RTN3: variants seen among roughly 807,000 people sequenced by gnomAD.
RTN3 encodes reticulon-3.
A neutral mutation model predicts 77.8 loss-of-function variants in RTN3; 49 were observed. The ratio of observed to expected loss-of-function variants is 0.63; its 90% CI spans 0.50 to 0.80. RTN3 has a LOEUF of 0.80. Ranked by LOEUF, RTN3 falls within the 30% of genes least tolerant of loss-of-function variation. RTN3 has a pLI of 0.00. For missense variants in RTN3, 1,236 were observed against 1,211.9 expected (o/e 1.02, Z -0.29); for synonymous variants, 464 against 446.9 (o/e 1.04, Z -0.48).
intron 3 of RTN3, among the ~76,000 whole-genome samples, chr11:63,727,598 T>C (rs1021405663): frequency 4.6e-5 from 7 of 152,116 alleles, no homozygotes; most frequent in Non-Finnish European, 8.8e-5. Flanking sequence ...CTTGATAGCA[T>C]ACTAAAGAAC....
In RTN3 at chr11:63,720,611, T is replaced by TA. The variant is rs1438276184; in HGVS notation, c.2112dup (p.Asp705ArgfsTer8). 1 of 1,613,776 alleles carries TA rather than the reference T, an allele frequency of 6.2e-7. No homozygotes were observed. Among genetic ancestry groups the TA allele is most frequent in the Admixed American group, 1.7e-5 (1 of 59,926 alleles). ...AAAATGAGTCCGGTGGTTCTGAAAT[T>TA]AAAGACATTGGAAGCAAATACAGTG... On this transcript the variant is annotated frameshift_variant, in exon 3 of 9. Coordinates refer to ENST00000377819, the MANE Select transcript of RTN3 (RefSeq NM_001265589.2). LOFTEE classifies it high-confidence loss of function.
chr11:63,752,279 G>T (rs1470128678), intron 4 of RTN3, among the ~76,000 whole-genome samples: 2 of 151,982 alleles, frequency 1.3e-5, no homozygotes, highest in Non-Finnish European at 2.9e-5. Flanking sequence ...CAGAACATAG[G>T]TCAGTTCTTT....
chr11:63,702,684 GTTTTTTTGT>G (rs1026096979), intron 1 of RTN3, among the ~76,000 whole-genome samples: 10 of 142,282 alleles, frequency 7.0e-5, no homozygotes, highest in South Asian at 4.6e-4. Flanking sequence ...TTGTTTTTTT[GTTTTTTTGT>G]TTTTTTTTTT....
At chr11:63,710,922 A>G (rs141560182) in intron 2 of RTN3, among the ~76,000 whole-genome samples, 2 of 152,328 alleles carry the variant, frequency 1.3e-5, no homozygotes, top group East Asian at 3.9e-4. Flanking sequence ...CTGGTTGTAC[A>G]TTGAACTAAA....
intron 3 of RTN3, among the ~76,000 whole-genome samples, chr11:63,722,882 C>T (rs1406250961): frequency 6.6e-6 from 1 of 152,082 alleles, no homozygotes; most frequent in Non-Finnish European, 1.5e-5. Flanking sequence ...AGATTTCTTC[C>T]TCAGTTGTCA....
At chr11:63,714,968 A>G (rs1160952719) in intron 2 of RTN3, among the ~76,000 whole-genome samples, 1 of 152,218 alleles carries the variant, frequency 6.6e-6, no homozygotes, top group Non-Finnish European at 1.5e-5. Flanking sequence ...CAAAGAAGTT[A>G]AGAGAAAAGC....
intron 6 of RTN3, 55 bp downstream of exon 6, chr11:63,753,193 G>C: frequency 6.5e-7 from 1 of 1,528,392 alleles, no homozygotes; most frequent in Non-Finnish European, 9.1e-7. Flanking sequence ...GTAAGAATAA[G>C]AGTGAAGAGA....
chr11:63,737,781 CTA>C (rs763172274), intron 3 of RTN3, among the ~76,000 whole-genome samples: 3 of 152,174 alleles, frequency 2.0e-5, no homozygotes, highest in Non-Finnish European at 4.4e-5. Flanking sequence ...GAACAAACAA[CTA>C]TTTTTTCTGA....
rs757644978 is a variant in RTN3 at position 63,681,808 on chromosome 11, G to A, written c.142+30G>A. On this transcript the variant is annotated intron_variant, in intron 1 of 8. Transcript: ENST00000377819. ...GGCGCGCGGGGAGCCCCCGCCCTGG[G>A]AAAGAGGGCGAGCGGGAGCCTGGGG... 21 of 1,513,472 alleles carry A rather than the reference G, an allele frequency of 1.4e-5. No homozygotes were observed. In the South Asian group the frequency reaches 2.3e-4, roughly 17 times the overall value. The allele number at this position is 1,513,472 out of a possible 1,614,324, so 93.8% of individuals were successfully genotyped here.
intron 2 of RTN3, among the ~76,000 whole-genome samples, chr11:63,710,100 TTATC>T (rs532457482): frequency 4.0e-4 from 61 of 152,342 alleles, no homozygotes; most frequent in South Asian, 3.7e-3. Flanking sequence ...TACTAAATCT[TTATC>T]TAAGAGACAC....
chr11:63,681,954 T>TA (rs1171324868), intron 1 of RTN3, among the ~76,000 whole-genome samples, 176 bp downstream of exon 1: 2 of 151,972 alleles, frequency 1.3e-5, no homozygotes, highest in Non-Finnish European at 2.9e-5. Flanking sequence ...CGTAAGGTTG[T>TA]GCAGGCGGTG....
At chr11:63,735,567 TC>T (rs2013047494) in intron 3 of RTN3, among the ~76,000 whole-genome samples, 2 of 143,616 alleles carry the variant, frequency 1.4e-5, no homozygotes, top group African/African-American at 5.2e-5. Context: ...TCTCTCTCTC[TC>T]TCTCTCTCTC....
chr11:63,692,040 G>A (rs1237347007), intron 1 of RTN3, among the ~76,000 whole-genome samples: 1 of 152,004 alleles, frequency 6.6e-6, no homozygotes, highest in African/African-American at 2.4e-5. Context: ...CAACCATACT[G>A]GCCTCTTTGT....
intron 3 of RTN3, chr11:63,746,874 T>C: frequency 2.4e-6 from 1 of 423,428 alleles, no homozygotes; most frequent in Non-Finnish European, 4.8e-6. Flanking sequence ...CTTTTGTCAA[T>C]TATATAGTAC....
chr11:63,743,018 C>G (rs1590876582), intron 3 of RTN3, among the ~76,000 whole-genome samples: 1 of 152,246 alleles, frequency 6.6e-6, no homozygotes, highest in East Asian at 1.9e-4. Flanking sequence ...GTAGCTGGGA[C>G]TACAGGTGAC....
At chr11:63,686,007 G>A (rs1465226792) in intron 1 of RTN3, among the ~76,000 whole-genome samples, 1 of 152,146 alleles carries the variant, frequency 6.6e-6, no homozygotes, top group African/African-American at 2.4e-5. Flanking sequence ...GCCTTTGAAG[G>A]AAACTGAAGA....
intron 3 of RTN3, among the ~76,000 whole-genome samples, chr11:63,749,088 C>G (rs189328219): frequency 6.6e-6 from 1 of 152,054 alleles, no homozygotes; most frequent in Non-Finnish European, 1.5e-5. Context: ...TCGAGACTAG[C>G]CTGGCAGCAT....
chr11:63,715,833 CAA>C, intron 2 of RTN3, among the ~76,000 whole-genome samples: 1 of 152,290 alleles, frequency 6.6e-6, no homozygotes, highest in East Asian at 1.9e-4. Flanking sequence ...AGTTCAGTAA[CAA>C]TGCATGGCTC....
chr11:63,682,992 C>A (rs576998702), intron 1 of RTN3, among the ~76,000 whole-genome samples: 11 of 152,122 alleles, frequency 7.2e-5, no homozygotes, highest in Admixed American at 5.2e-4. Flanking sequence ...GGATTTTGAT[C>A]ATTTTTTTTT....
Sources: gnomAD v4.1 joint callset for allele counts (sites outside exome capture counted in the v4.1 genomes callset) on GRCh38, gnomAD v4.1.1 for gene constraint, MANE v1.5 for transcripts, NCBI Gene and HGNC (gene_info 2026-07-23, HGNC 2026-07-21) for gene names.